SEMA6D: variants seen among roughly 807,000 people sequenced by gnomAD.
The protein encoded by SEMA6D is semaphorin-6D.
Under a neutral mutation model 106.6 loss-of-function variants are expected in SEMA6D, and 35 were observed. That is an observed-to-expected ratio of 0.33 (90% confidence interval 0.25 to 0.44). The LOEUF is 0.44. Ranked by LOEUF, SEMA6D falls within the 20% of genes least tolerant of loss-of-function variation. The probability of loss-of-function intolerance (pLI) is 1.00; values close to 1 mark genes in which losing one functional copy is unlikely to be tolerated. For missense variants in SEMA6D, 1,185 were observed against 1,345.9 expected, an observed-to-expected ratio of 0.88 and a Z score of 1.87; for synonymous variants, 499 against 487.7, an observed-to-expected ratio of 1.02 and a Z score of -0.31.
intron 1 of SEMA6D, among the ~76,000 whole-genome samples, chr15:47,235,423 T>C (rs2032477752): frequency 6.6e-6 from 1 of 151,920 alleles, no homozygotes; most frequent in African/African-American, 2.4e-5. Context: ...TGTCCAGAAG[T>C]GTTTTCCCTA....
rs141453120 is a variant in SEMA6D, at chr15:47,374,318, T to C, written c.-238-38075T>C. Among the ~76,000 whole-genome samples the C allele has an allele frequency of 4.5e-3, 685 of 152,186 alleles. 10 individuals carry two copies. The highest frequency in any genetic ancestry group is 0.016 in the African/African-American group (660 of 41,526). On this transcript the variant is annotated intron_variant, in intron 1 of 19. Coordinates refer to the SEMA6D transcript ENST00000558014. ...TGGTAAAGAGAAGTCCTCAAATCTC[T>C]GGTTACCCTTCCTTGCATCTGTTAA...
chr15:47,317,750 A>G (rs559439654), intron 1 of SEMA6D, among the ~76,000 whole-genome samples: 1 of 152,218 alleles, frequency 6.6e-6, no homozygotes, highest in African/African-American at 2.4e-5. Flanking sequence ...TTTAAGGGTA[A>G]GGTGTTTTTT....
intron 1 of SEMA6D, among the ~76,000 whole-genome samples, chr15:47,225,773 G>T (rs539803688): frequency 1.3e-5 from 2 of 151,904 alleles, no homozygotes; most frequent in East Asian, 3.9e-4. Context: ...CAGGTAATCC[G>T]CCCACCATGG....
chr15:47,647,061 A>G (rs2077594357), intron 4 of SEMA6D, among the ~76,000 whole-genome samples: 1 of 152,182 alleles, frequency 6.6e-6, no homozygotes, highest in Non-Finnish European at 1.5e-5. Flanking sequence ...ATCACTGCTG[A>G]TTCAAAGACA....
intron 1 of SEMA6D, among the ~76,000 whole-genome samples, chr15:47,370,506 C>G (rs548370640): frequency 1.3e-5 from 2 of 151,412 alleles, no homozygotes; most frequent in Non-Finnish European, 2.9e-5. Flanking sequence ...CAGAGACAGA[C>G]TCTGTCTCAA....
chr15:47,529,538 A>G (rs186210891), intron 3 of SEMA6D, among the ~76,000 whole-genome samples: 2 of 150,428 alleles, frequency 1.3e-5, no homozygotes, highest in African/African-American at 4.9e-5. Flanking sequence ...ACCTAGTCAC[A>G]CTCATGAAAG....
At chr15:47,512,825 G>A (rs2044273318) in intron 3 of SEMA6D, among the ~76,000 whole-genome samples, 1 of 152,176 alleles carries the variant, frequency 6.6e-6, no homozygotes, top group Non-Finnish European at 1.5e-5. Context: ...TCAACTAAGT[G>A]TTGAAGCACA....
chr15:47,470,759 AAGT>A (rs112173530), intron 3 of SEMA6D, among the ~76,000 whole-genome samples: 3,781 of 152,218 alleles, frequency 0.025, 147 homozygotes, highest in African/African-American at 0.076. Context: ...CTCAAACTAC[AAGT>A]ATTATTATTA....
At chr15:47,430,599 AAGAC>A (rs1240020087) in intron 2 of SEMA6D, among the ~76,000 whole-genome samples, 1 of 152,104 alleles carries the variant, frequency 6.6e-6, no homozygotes, top group Non-Finnish European at 1.5e-5. Flanking sequence ...TGGAAATACT[AAGAC>A]AGACCAGACA....
At chr15:47,258,247 C>T (rs2033906634) in intron 1 of SEMA6D, among the ~76,000 whole-genome samples, 2 of 152,056 alleles carry the variant, frequency 1.3e-5, no homozygotes, top group Non-Finnish European at 2.9e-5. Context: ...TTAGACCACA[C>T]ATTTAAGATA....
At chr15:47,223,806 A>G (rs1454789669) in intron 1 of SEMA6D, among the ~76,000 whole-genome samples, 5 of 152,090 alleles carry the variant, frequency 3.3e-5, no homozygotes, top group Non-Finnish European at 2.9e-5. Flanking sequence ...TATGGTACAT[A>G]TATTTATTTG....
intron 1 of SEMA6D, among the ~76,000 whole-genome samples, chr15:47,284,793 G>A (rs567146636): frequency 4.6e-5 from 7 of 152,240 alleles, no homozygotes; most frequent in African/African-American, 1.7e-4. Flanking sequence ...TTATCATTCT[G>A]TGCTTTAGAA....
intron 4 of SEMA6D, chr15:47,603,235 A>G (rs555217035): frequency 6.6e-6 from 1 of 152,270 alleles, no homozygotes; most frequent in East Asian, 1.9e-4. Context: ...ACCACTCAGC[A>G]TCATCTCTCA....
At chr15:47,770,460 A>G in intron 18 of SEMA6D, 37 bp from the exon 19 acceptor site, 1 of 1,495,558 alleles carries the variant, frequency 6.7e-7, no homozygotes, top group Non-Finnish European at 9.0e-7. Flanking sequence ...ATTTTTAAAA[A>G]GCACCTTATT....
At chr15:47,342,578 T>C (rs1372387138) in intron 1 of SEMA6D, among the ~76,000 whole-genome samples, 1 of 152,216 alleles carries the variant, frequency 6.6e-6, no homozygotes, top group African/African-American at 2.4e-5. Flanking sequence ...TTTAGCATAG[T>C]ATTCTGAACA....
In SEMA6D at chr15:47,761,576, G is replaced by A. The variant is rs776122685; in HGVS notation, c.448-85G>A. The A allele has an allele frequency of 1.1e-4, 135 of 1,281,802 alleles. 1 individual carries two copies. The highest frequency in any genetic ancestry group is 3.8e-4 in the Middle Eastern group (2 of 5,220). The allele number at this position is 1,281,802 out of a possible 1,614,324, so 79.4% of individuals were successfully genotyped here. On this transcript the variant is annotated intron_variant, in intron 6 of 18. Coordinates refer to ENST00000536845, the MANE Select transcript of SEMA6D (RefSeq NM_001358351.3). ...GAATAAAGACAGAATTCTTCAAATGGAATTTTAATACAAATAAAATAGTAT... is the reference window on the plus strand; with the variant it reads ...GAATAAAGACAGAATTCTTCAAATGAAATTTTAATACAAATAAAATAGTAT...
rs141942978 is a variant in SEMA6D, at chr15:47,537,888, T to C, written c.-86-62977T>C. Among the ~76,000 whole-genome samples the C allele has an allele frequency of 9.8e-3, 1,487 of 152,282 alleles. 9 individuals are homozygous for C. Among genetic ancestry groups the C allele is most frequent in the Admixed American group, 0.021 (315 of 15,286 alleles). The stretch of plus-strand genomic sequence containing the variant: ...GGAGAATGTGTAGTTTGGTTTCGAA[T>C]GTGTGGAGAGTTGACAAGAGATTAT... On this transcript the variant is annotated intron_variant, in intron 3 of 19. Transcript: ENST00000558014.
chr15:47,711,973 T>C (rs2079032377), intron 4 of SEMA6D, among the ~76,000 whole-genome samples: 1 of 152,170 alleles, frequency 6.6e-6, no homozygotes, highest in South Asian at 2.1e-4. Context: ...CATGTGAACA[T>C]ATGGGCCTAA....
At chr15:47,348,017 A>G (rs924490191) in intron 1 of SEMA6D, among the ~76,000 whole-genome samples, 1 of 152,142 alleles carries the variant, frequency 6.6e-6, no homozygotes, top group Non-Finnish European at 1.5e-5. Flanking sequence ...TTTTTCTTCC[A>G]TTAAAATCTT....
Sources: allele counts gnomAD v4.1 joint callset (sites outside exome capture counted in the v4.1 genomes callset), GRCh38; gene constraint gnomAD v4.1.1; transcripts MANE v1.5; gene names NCBI Gene and HGNC (gene_info 2026-07-23, HGNC 2026-07-21).